The following R3HDM1 variants were observed in gnomAD, a reference collection of about 807,000 sequenced individuals.
The protein encoded by R3HDM1 is R3H domain-containing protein 1.
Under a neutral mutation model 141.1 loss-of-function variants are expected in R3HDM1, and 46 were observed. That is an observed-to-expected ratio of 0.33 (90% CI 0.26 to 0.42). R3HDM1 has a LOEUF of 0.42. Among genes scored for constraint, R3HDM1 ranks in the 10% least tolerant of loss-of-function variants. R3HDM1 has a pLI of 1.00. For synonymous variants in R3HDM1, 435 were observed against 472.9 expected (o/e 0.92, Z 1.04); for missense variants, 1,184 against 1,368.3 (o/e 0.87, Z 2.12).
At chr2:135,594,984 C>CCT in intron 1 of R3HDM1, among the ~76,000 whole-genome samples, 1 of 151,816 alleles carries the variant, frequency 6.6e-6, no homozygotes, top group South Asian at 2.1e-4. Flanking sequence ...TACACCCCCC[C>CCT]CCCTTTTCAA....
intron 21 of R3HDM1, among the ~76,000 whole-genome samples, chr2:135,709,113 G>A (rs1237892738): frequency 2.6e-5 from 4 of 151,788 alleles, no homozygotes; most frequent in Non-Finnish European, 5.9e-5. Context: ...TCGCTCTGTC[G>A]CACAGGCTGG....
At chr2:135,649,747 G>A (rs757106418) in intron 16 of R3HDM1, among the ~76,000 whole-genome samples, 155 bp from the exon 17 acceptor site, 2 of 152,076 alleles carry the variant, frequency 1.3e-5, no homozygotes, top group Non-Finnish European at 2.9e-5. Context: ...GCTTCACTTT[G>A]TATTGTTTTT....
intron 21 of R3HDM1, among the ~76,000 whole-genome samples, chr2:135,698,905 G>T (rs1277857605): frequency 6.6e-6 from 1 of 152,104 alleles, no homozygotes; most frequent in Middle Eastern, 3.4e-3. Flanking sequence ...CTCCCAGCAG[G>T]CCCCACCTCC....
chr2:135,604,538 C>T (rs1361901368), intron 2 of R3HDM1, among the ~76,000 whole-genome samples: 1 of 152,178 alleles, frequency 6.6e-6, no homozygotes, highest in African/African-American at 2.4e-5. Context: ...CTCAAGCAGT[C>T]ATCCTGCCTG....
chr2:135,542,670 C>G lies in R3HDM1; in HGVS notation c.-250+11037C>G, dbSNP rs77255483. 7.0e-3 allele frequency among the ~76,000 whole-genome samples: 1,069 copies of G among 152,160 alleles called. 11 individuals carry two copies. The highest frequency in any genetic ancestry group is 0.024 in the African/African-American group (1,002 of 41,510). ...GATTTCATCCCCTATAATGACATAC[C>G]AAGCATCAAACTGGCAGATGATAAC... is the stretch of plus-strand genomic sequence containing the variant. On this transcript the variant is annotated intron_variant, in intron 1 of 26. Transcript: ENST00000683871.
At chr2:135,717,768 G>A (rs960453638) in intron 24 of R3HDM1, among the ~76,000 whole-genome samples, 1 of 152,296 alleles carries the variant, frequency 6.6e-6, no homozygotes, top group East Asian at 1.9e-4. Context: ...TGATGAAACC[G>A]CTTTAGGAAA....
chr2:135,718,557 G>A (rs1410395936), intron 24 of R3HDM1, among the ~76,000 whole-genome samples: 3 of 151,992 alleles, frequency 2.0e-5, no homozygotes, highest in Non-Finnish European at 4.4e-5. Context: ...CTTGTGGCTC[G>A]CTACAGCCTT....
At chr2:135,628,649 G>A (rs746711790) in intron 7 of R3HDM1, among the ~76,000 whole-genome samples, 4 of 152,030 alleles carry the variant, frequency 2.6e-5, no homozygotes, top group Non-Finnish European at 4.4e-5. Flanking sequence ...TTTTTGAGAC[G>A]GAGTTTCACT....
At chr2:135,680,884 C>G (rs2070179212) in intron 21 of R3HDM1, among the ~76,000 whole-genome samples, 3 of 152,330 alleles carry the variant, frequency 2.0e-5, no homozygotes, top group South Asian at 2.1e-4. Flanking sequence ...GGCCAATCTT[C>G]TGTTACTCAC....
intron 1 of R3HDM1, among the ~76,000 whole-genome samples, chr2:135,535,022 C>A (rs1462938277): frequency 6.6e-6 from 1 of 152,062 alleles, no homozygotes; most frequent in Non-Finnish European, 1.5e-5. Context: ...TAAAAAATTT[C>A]ACTATTGACT....
intron 23 of R3HDM1, among the ~76,000 whole-genome samples, chr2:135,710,964 CT>C (rs200391845): frequency 7.9e-5 from 12 of 152,044 alleles, no homozygotes; most frequent in African/African-American, 2.2e-4. Flanking sequence ...AAACTGCTCA[CT>C]TTAAAAAAAA....
chr2:135,709,675 A>G (rs778676834), intron 22 of R3HDM1, 139 bp downstream of exon 22: 106 of 1,011,522 alleles, frequency 1.0e-4, no homozygotes, highest in Admixed American at 2.0e-4. Flanking sequence ...TGCTGTACTG[A>G]ATCATAGTTA....
At chr2:135,661,163 A>G (rs1051054080) in intron 18 of R3HDM1, 107 bp from the exon 19 acceptor site, 1 of 1,333,840 alleles carries the variant, frequency 7.5e-7, no homozygotes, top group Non-Finnish European at 1.0e-6. Context: ...TTTTCCAATG[A>G]TTAGTGCTAA....
chr2:135,544,601 C>G (rs536190702), intron 1 of R3HDM1, among the ~76,000 whole-genome samples: 41 of 152,292 alleles, frequency 2.7e-4, no homozygotes, highest in Middle Eastern at 3.4e-3. Flanking sequence ...CCATTTGCCA[C>G]TCACCCTAAT....
At chr2:135,550,790 A>T (rs1449273040) in intron 1 of R3HDM1, among the ~76,000 whole-genome samples, 2 of 152,156 alleles carry the variant, frequency 1.3e-5, no homozygotes, top group Non-Finnish European at 2.9e-5. Flanking sequence ...TGCTTGTATC[A>T]AGTATAAATC....
Position 135,631,965 on chromosome 2 carries a change from A to G in R3HDM1, c.662A>G (p.Lys221Arg). The G allele has an allele frequency of 1.2e-6, 2 of 1,611,150 alleles. No individual in the cohort carries two copies. Among genetic ancestry groups the G allele is most frequent in the Non-Finnish European group, 8.5e-7 (1 of 1,178,092 alleles). Residue 221 changes from lysine (K) to arginine (R), a missense_variant, in exon 9 of 27, where the codon AAG becomes AGG. Lys to Arg is a conservative substitution (Grantham distance 26). Around this residue, in one of 5 missense-constraint regions of R3HDM1, gnomAD observed 240 missense variants for 312.3 expected, o/e 0.77. Transcript: ENST00000683871. The part of the protein sequence containing the change: ...GLDHNVDQSG[K>R]SVIVNKTSNT... ...GACCACAATGTTGATCAGAGTGGGA[A>G]GTCTGTCATAGTAAACAAAACTAGC... is the stretch of plus-strand genomic sequence containing the variant.
At chr2:135,666,791 T>C (rs984555880) in intron 19 of R3HDM1, among the ~76,000 whole-genome samples, 3 of 152,136 alleles carry the variant, frequency 2.0e-5, no homozygotes, top group Non-Finnish European at 4.4e-5. Flanking sequence ...CTGGCTTTAG[T>C]TGAACTTGCC....
intron 1 of R3HDM1, chr2:135,590,845 T>A: frequency 3.9e-6 from 2 of 512,098 alleles, no homozygotes; most frequent in Non-Finnish European, 5.0e-6. Flanking sequence ...GTTTTTAAGC[T>A]ATTTTTACTG....
At chr2:135,537,608 CTTATTTTATTTTAT>C (rs1261167701) in intron 1 of R3HDM1, among the ~76,000 whole-genome samples, 3 of 107,370 alleles carry the variant, frequency 2.8e-5, no homozygotes, top group Non-Finnish European at 5.6e-5. Flanking sequence ...TTAGTGAGCC[CTTATTTTATTTTAT>C]TTTATTTTAT....
Sources: gnomAD v4.1 joint callset for allele counts (sites outside exome capture counted in the v4.1 genomes callset) on GRCh38, gnomAD v4.1.1 for gene constraint, gnomAD v4.1.1 regional missense constraint, MANE v1.5 for transcripts, NCBI Gene and HGNC (gene_info 2026-07-23, HGNC 2026-07-21) for gene names.